Variants in BRD4 observed in about 807,000 individuals in gnomAD.
BRD4 encodes bromodomain containing 4.
A neutral mutation model predicts 142.1 loss-of-function variants in BRD4; 16 were observed. That is an observed-to-expected ratio of 0.11 (90% CI 0.08 to 0.17). The LOEUF (loss-of-function observed/expected upper bound fraction) is 0.17. Among genes scored for constraint, BRD4 ranks in the 10% least tolerant of loss-of-function variants. The pLI, the probability that BRD4 is intolerant of heterozygous loss-of-function variation, is 1.00. For missense variants in BRD4, 1,424 were observed against 1,810.9 expected (o/e 0.79, Z 3.88); for synonymous variants, 833 against 707.5 (o/e 1.18, Z -2.82).
intron 1 of BRD4, among the ~76,000 whole-genome samples, chr19:15,325,923 G>C (rs1489948075): frequency 6.7e-6 from 1 of 149,478 alleles, no homozygotes; most frequent in South Asian, 2.1e-4. Flanking sequence ...ACTTGAACCC[G>C]GGAGGCAGAG....
intron 1 of BRD4, among the ~76,000 whole-genome samples, 167 bp downstream of exon 1, chr19:15,332,123 G>T (rs1035257458): frequency 4.4e-4 from 64 of 145,950 alleles, no homozygotes; most frequent in Admixed American, 3.8e-3. Flanking sequence ...CGGGAGGCCC[G>T]CAGGCCCGAG....
chr19:15,296,926 C>T (rs566005496), intron 1 of BRD4, among the ~76,000 whole-genome samples: 16 of 152,056 alleles, frequency 1.1e-4, no homozygotes, highest in African/African-American at 3.4e-4. Context: ...CGGCAGAAGC[C>T]CCCCCCACCA....
chr19:15,286,971 G>C (rs886536459), intron 1 of BRD4, among the ~76,000 whole-genome samples: 9 of 152,156 alleles, frequency 5.9e-5, no homozygotes, highest in African/African-American at 2.2e-4. Context: ...CACAGGGATG[G>C]GGAATACTAC....
At chr19:15,248,788 G>C (rs1306960641) in intron 11 of BRD4, 1 of 243,440 alleles carries the variant, frequency 4.1e-6, no homozygotes, top group Non-Finnish European at 8.0e-6. Context: ...AGAGGTCAGA[G>C]TGTTCTTCCG....
chr19:15,301,162 A>T (rs772334054), intron 1 of BRD4, among the ~76,000 whole-genome samples: 43 of 152,236 alleles, frequency 2.8e-4, no homozygotes, highest in Non-Finnish European at 5.3e-4. Flanking sequence ...ATGTTAACGA[A>T]AAGAAGCCTG....
chr19:15,314,889 A>C (rs2048003182), intron 1 of BRD4, among the ~76,000 whole-genome samples: 1 of 152,204 alleles, frequency 6.6e-6, no homozygotes, highest in Non-Finnish European at 1.5e-5. Context: ...AGACCTTGGA[A>C]GATGGAGGAA....
intron 1 of BRD4, among the ~76,000 whole-genome samples, chr19:15,289,010 A>G (rs974182638): frequency 2.6e-5 from 4 of 152,260 alleles, no homozygotes; most frequent in Non-Finnish European, 5.9e-5. Context: ...CTCTTGGTCC[A>G]TAACAACCTA....
intron 1 of BRD4, among the ~76,000 whole-genome samples, chr19:15,302,234 C>A (rs1316618263): frequency 2.0e-5 from 3 of 152,058 alleles, no homozygotes; most frequent in African/African-American, 7.3e-5. Flanking sequence ...TGCAGTACAC[C>A]ACCCTGACCC....
intron 1 of BRD4, among the ~76,000 whole-genome samples, chr19:15,286,115 C>T (rs2047738136): frequency 1.3e-5 from 2 of 152,220 alleles, no homozygotes; most frequent in African/African-American, 2.4e-5. Context: ...ATTCTTCCCA[C>T]GCCTCTGTCC....
chr19:15,268,406 T>C (rs187911856), intron 3 of BRD4: 21 of 154,610 alleles, frequency 1.4e-4, no homozygotes, highest in Non-Finnish European at 2.4e-4. Context: ...CAAGAGTTAT[T>C]GACAGTCATG....
chr19:15,242,980 G>A lies in BRD4; in HGVS notation c.3089C>T (p.Pro1030Leu), dbSNP rs1158865535. 46 of 1,586,562 alleles carry A rather than the reference G, an allele frequency of 2.9e-5. 1 individual carries two copies. The highest frequency in any genetic ancestry group is 1.1e-4 in the East Asian group (5 of 44,040). The change falls in exon 14 of 20, where the codon CCG becomes CTG. Residue 1030 changes from proline (P) to leucine (L), a missense_variant. By Grantham distance (98) the Pro-to-Leu change is moderately conservative. Around this residue, in one of 16 missense-constraint regions of BRD4, gnomAD observed 598 missense variants for 647.8 expected, o/e 0.92. Coordinates refer to ENST00000679869, the MANE Select transcript of BRD4 (RefSeq NM_001379291.1). ...PHPPPGQQPPPPQPAKPQQVI... is the reference protein window; with the variant it reads ...PHPPPGQQPPLPQPAKPQQVI... ...TTGCTGAGGCTTGGCAGGCTGCGGC[G>A]GGGGTGGCTGCTGGCCTGGGGGCGG...
intron 14 of BRD4, among the ~76,000 whole-genome samples, chr19:15,240,823 C>T (rs1171075219): frequency 6.6e-6 from 1 of 152,188 alleles, no homozygotes; most frequent in African/African-American, 2.4e-5. Context: ...AGGGGCCTCA[C>T]CGCTCTTTGG....
intron 1 of BRD4, among the ~76,000 whole-genome samples, chr19:15,322,473 G>A (rs1011092596): frequency 2.0e-5 from 3 of 151,876 alleles, no homozygotes; most frequent in African/African-American, 7.3e-5. Context: ...ACTTTGGGAG[G>A]CCGAGGCGGG....
chr19:15,249,196 C>T (rs1298466875), intron 11 of BRD4: 33 of 1,608,416 alleles, frequency 2.1e-5, no homozygotes, highest in Non-Finnish European at 2.6e-5. Context: ...GTCCCTTTCA[C>T]GGAAGAAAAT....
At chr19:15,285,899 T>C (rs1599488577) in intron 1 of BRD4, among the ~76,000 whole-genome samples, 2 of 152,312 alleles carry the variant, frequency 1.3e-5, no homozygotes, top group East Asian at 3.9e-4. Context: ...GTGCCCACTC[T>C]GAGTTTAGTA....
At chr19:15,254,940 G>A (rs757996001) in intron 10 of BRD4, among the ~76,000 whole-genome samples, 11 of 152,154 alleles carry the variant, frequency 7.2e-5, no homozygotes, top group Non-Finnish European at 1.3e-4. Context: ...ATAACGTATC[G>A]GTACACAGGT....
intron 1 of BRD4, among the ~76,000 whole-genome samples, chr19:15,288,169 G>C (rs890899026): frequency 7.2e-5 from 11 of 152,334 alleles, no homozygotes; most frequent in African/African-American, 2.6e-4. Context: ...TTTGGCTACT[G>C]TGTATAGGGC....
At chr19:15,309,112 A>G (rs1391817356) in intron 1 of BRD4, among the ~76,000 whole-genome samples, 3 of 151,768 alleles carry the variant, frequency 2.0e-5, no homozygotes, top group Admixed American at 6.6e-5. Flanking sequence ...TGAGGCGAGC[A>G]GATCACAAGG....
rs200078058 is a variant in BRD4 at position 15,239,099 on chromosome 19, C to T, written c.3742G>A (p.Ala1248Thr). 6 of 1,607,032 alleles carry T rather than the reference C, an allele frequency of 3.7e-6. No individual in the cohort carries two copies. Among genetic ancestry groups the T allele is most frequent in the Non-Finnish European group, 5.1e-6 (6 of 1,179,294 alleles). The change falls in exon 18 of 20, where the codon GCT becomes ACT. Residue 1248 changes from alanine to threonine, a missense_variant. Physicochemically the swap from Ala to Thr is moderately conservative, Grantham distance 58 (BLOSUM62 0). This residue lies in a region of BRD4 where 109 missense variants were observed against 117.9 expected (regional missense o/e 0.92). Transcript: ENST00000679869. This position sits in a 1 kb window ranked among gnomAD's most constrained non-coding sequence, Gnocchi z 7.4. ...CGCAGCCGCTCCTTCTCCTTCTCAG[C>T]GTGCTCGGCCTGAGCCTTCAGGGCC... ...EKALKAQAEH[A>T]EKEKERLRQE...
Sources: gnomAD v4.1 joint callset for allele counts (sites outside exome capture counted in the v4.1 genomes callset) on GRCh38, gnomAD v4.1.1 for gene constraint, gnomAD v4.1.1 regional missense constraint, Gnocchi (gnomAD v3.1) non-coding constraint, MANE v1.5 for transcripts, NCBI Gene and HGNC (gene_info 2026-07-23, HGNC 2026-07-21) for gene names.